PRKAB2: variants seen among roughly 807,000 people sequenced by gnomAD.
The protein encoded by PRKAB2 is 5'-AMP-activated protein kinase subunit beta-2.
A neutral mutation model predicts 29.8 loss-of-function variants in PRKAB2; 18 were observed. The ratio of observed to expected loss-of-function variants is 0.60; its 90% confidence interval spans 0.42 to 0.89. PRKAB2 has a LOEUF of 0.89. Among genes scored for constraint, PRKAB2 ranks in the 40% least tolerant of loss-of-function variants. PRKAB2 has a pLI of 0.00. For synonymous variants in PRKAB2, 136 were observed against 125.9 expected (o/e 1.08, Z -0.54); for missense variants, 270 against 344.3 (o/e 0.78, Z 1.71).
chr1:147,167,924 C>T lies in PRKAB2; in HGVS notation c.166G>A (p.Asp56Asn). ...TGCTGCCATGATACAAACTCTTTGT[C>T]CCCAGGGAGCTGTAAGAAGGAGTAG... ...FSLPDSKLPG[D>N]KEFVSWQQDL... Residue 56 changes from aspartate (D) to asparagine (N), a missense_variant, in exon 3 of 8, where the codon GAC becomes AAC. Coordinates refer to ENST00000254101, the MANE Select transcript of PRKAB2 (RefSeq NM_005399.5). 1.2e-6 allele frequency: 2 copies of T among 1,611,304 alleles called. No individual in the cohort carries two copies. Among genetic ancestry groups the T allele is most frequent in the Non-Finnish European group, 1.7e-6 (2 of 1,178,844 alleles).
Position 147,166,533 on chromosome 1 carries a change from A to G in PRKAB2, c.503T>C (p.Leu168Ser), listed in dbSNP as rs1553913722. 1 of 1,613,970 alleles carries G rather than the reference A, an allele frequency of 6.2e-7. No homozygotes were observed. Among genetic ancestry groups the G allele is most frequent in the Admixed American group, 1.7e-5 (1 of 60,024 alleles). ...TGTCTCAGAACTTTCCATAGAATCT[A>G]ACTTTAAAGCATCGAACACCTCAAA... Reference protein sequence around the residue: ...SDFEVFDALKLDSMESSETSC... With the variant: ...SDFEVFDALKSDSMESSETSC... Residue 168 changes from leucine (L) to serine (S), a missense_variant, in exon 5 of 8, where the codon TTA becomes TCA. By Grantham distance (145) the Leu-to-Ser change is moderately radical. Around this residue, in one of 2 missense-constraint regions of PRKAB2, gnomAD observed 228 missense variants for 255.5 expected, o/e 0.89. Coordinates refer to ENST00000254101, the MANE Select transcript of PRKAB2 (RefSeq NM_005399.5).
At chr1:147,161,550 AAAC>A in intron 7 of PRKAB2, 159 bp downstream of exon 7, 2 of 602,566 alleles carry the variant, frequency 3.3e-6, no homozygotes, top group Non-Finnish European at 5.6e-6. Flanking sequence ...ATTTTAAAAC[AAAC>A]AACCTAGTAG....
chr1:147,158,468 G>A lies in PRKAB2; in HGVS notation c.*1097C>T, dbSNP rs587690532. On this transcript the variant is annotated 3_prime_UTR_variant, in exon 8 of 8. Transcript: ENST00000254101. ...TTGGCCATATTAATCTAAGAATGTG[G>A]AAGGCTAGACTAGAGAAGAAAATCT... 2.0e-5 allele frequency: 3 copies of A among 152,162 alleles called. No homozygotes were observed. Among genetic ancestry groups the A allele is most frequent in the African/African-American group, 7.2e-5 (3 of 41,506 alleles). The allele number at this position is 152,162 out of a possible 1,614,324, so 9.4% of individuals were successfully genotyped here.
At chr1:147,162,687 A>G (rs1654029355) in intron 5 of PRKAB2, 114 bp from the exon 6 acceptor site, 2 of 1,142,272 alleles carry the variant, frequency 1.8e-6, no homozygotes, top group Admixed American at 5.6e-5. Context: ...CCTGGATCAC[A>G]AACTTGTGAC....
intron 6 of PRKAB2, 69 bp from the exon 7 acceptor site, chr1:147,161,849 G>C: frequency 7.9e-7 from 1 of 1,259,888 alleles, no homozygotes; most frequent in Non-Finnish European, 1.1e-6. Context: ...AAACCAAACA[G>C]CTTACTCTTC....
intron 7 of PRKAB2, among the ~76,000 whole-genome samples, 155 bp from the exon 8 acceptor site, chr1:147,159,797 T>C (rs1653865707): frequency 6.6e-6 from 1 of 152,204 alleles, no homozygotes; most frequent in African/African-American, 2.4e-5. Context: ...TTCTGACTCC[T>C]ATCATCATTC....
At chr1:147,167,239 T>C (rs1553913798) in intron 3 of PRKAB2, among the ~76,000 whole-genome samples, 1 of 152,168 alleles carries the variant, frequency 6.6e-6, no homozygotes, top group Admixed American at 6.5e-5. Flanking sequence ...GTAGAACAAG[T>C]TCCTCACCAG....
At chr1:147,167,483 T>C (rs2101627440) in intron 3 of PRKAB2, among the ~76,000 whole-genome samples, 1 of 152,290 alleles carries the variant, frequency 6.6e-6, no homozygotes, top group African/African-American at 2.4e-5. Context: ...TACAAAAGAC[T>C]TCCCACAAGC....
chr1:147,170,091 A>G (rs1181674319), intron 2 of PRKAB2, among the ~76,000 whole-genome samples: 1 of 152,240 alleles, frequency 6.6e-6, no homozygotes, highest in Non-Finnish European at 1.5e-5. Context: ...TTACTCAGCA[A>G]AACTACCAGG....
rs587593777 is a variant in PRKAB2, at chr1:147,160,276, A to G, written c.742-634T>C. On this transcript the variant is annotated intron_variant, in intron 7 of 7. Transcript: ENST00000254101. Reference sequence around the variant, plus strand: ...ACCCAATCCAATGGATCAATTCCAAACTGCCTAAACAATATGAGAGAATCA... The same window carrying G: ...ACCCAATCCAATGGATCAATTCCAAGCTGCCTAAACAATATGAGAGAATCA... 2.6e-5 allele frequency among the ~76,000 whole-genome samples: 4 copies of G among 152,256 alleles called. No homozygotes were observed. The South Asian group carries it at 8.3e-4, about 32-fold the overall frequency.
At chr1:147,171,856 C>T (rs949767982) in intron 2 of PRKAB2, 133 bp downstream of exon 2, 25 of 1,188,508 alleles carry the variant, frequency 2.1e-5, no homozygotes, top group Middle Eastern at 2.4e-4. Flanking sequence ...ACACCTCTGT[C>T]CCCGATAAAT....
At position 147,169,110 on chromosome 1, in the gene PRKAB2, TG is replaced by T. The variant is rs201876876; in HGVS notation, c.157-1178del. Among the ~76,000 whole-genome samples, 1,277 of 152,342 alleles carry T rather than the reference TG, an allele frequency of 8.4e-3. 18 individuals are homozygous for T. Among genetic ancestry groups the T allele is most frequent in the Middle Eastern group, 0.01 (3 of 294 alleles). ...AAGATTGCTGACCCCTATTTTAGACTGGTTTAAGTGACTTTGGTAAATAAGA... is the reference window on the plus strand; with the variant it reads ...AAGATTGCTGACCCCTATTTTAGACTGTTTAAGTGACTTTGGTAAATAAGA... On this transcript the variant is annotated intron_variant, in intron 2 of 7. Coordinates refer to ENST00000254101, the MANE Select transcript of PRKAB2 (RefSeq NM_005399.5).
At position 147,156,657 on chromosome 1, in the gene PRKAB2, A is replaced by G. The variant is rs1431823502; in HGVS notation, c.*2908T>C. 3 of 152,164 alleles carry G rather than the reference A, an allele frequency of 2.0e-5. No homozygotes were observed. Among genetic ancestry groups the G allele is most frequent in the African/African-American group, 4.8e-5 (2 of 41,454 alleles). 9.4% of individuals were successfully genotyped at this position (152,164 alleles called of 1,614,324 possible). A position where few individuals can be genotyped will look rare whatever the true frequency, so the allele number is the denominator to read the frequency against. ...TTCAGCTTAAAGGAGGCTAATAATC[A>G]TGGTGTGGAATTTCTCCATACCAGC... On this transcript the variant is annotated 3_prime_UTR_variant, in exon 8 of 8. Transcript: ENST00000254101.
intron 2 of PRKAB2, among the ~76,000 whole-genome samples, chr1:147,169,680 A>C (rs1006352244): frequency 5.9e-5 from 9 of 152,202 alleles, no homozygotes; most frequent in Admixed American, 1.3e-4. Flanking sequence ...TAGTGGGAGA[A>C]TAGTGGACTG....
chr1:147,164,079 G>A lies in PRKAB2; in HGVS notation c.539-1506C>T, dbSNP rs587756665. 1.3e-3 allele frequency among the ~76,000 whole-genome samples: 198 copies of A among 152,134 alleles called. 1 individual carries two copies. Among genetic ancestry groups the A allele is most frequent in the African/African-American group, 4.7e-3 (194 of 41,486 alleles). ...AGCCTTCAGAGTAGTTGGTACTAAA[G>A]GCACATGCTACCATGCCCAGCTAAT... is the stretch of plus-strand genomic sequence containing the variant. On this transcript the variant is annotated intron_variant, in intron 5 of 7. Coordinates refer to ENST00000254101, the MANE Select transcript of PRKAB2 (RefSeq NM_005399.5).
rs782281504 is a variant in PRKAB2, at chr1:147,167,846, G to A, written c.244C>T (p.Arg82Cys). The A allele has an allele frequency of 2.7e-5, 44 of 1,614,000 alleles. No homozygotes were observed. Among genetic ancestry groups the A allele is most frequent in the Non-Finnish European group, 3.3e-5 (39 of 1,180,010 alleles). Residue 82 changes from arginine (R) to cysteine (C), a missense_variant, in exon 3 of 8, where the codon CGC (arginine) becomes TGC (cysteine). Around this residue, in one of 2 missense-constraint regions of PRKAB2, gnomAD observed 228 missense variants for 255.5 expected, o/e 0.89. Transcript: ENST00000254101. ...PTQQARPTVI[R>C]WSEGGKEVFI... ...ACCTCCTTGCCTCCTTCAGACCAGC[G>A]GATAACAGTGGGCCGGGCCTGCTGT...
intron 7 of PRKAB2, among the ~76,000 whole-genome samples, chr1:147,161,153 C>A (rs948030727): frequency 4.6e-5 from 7 of 152,062 alleles, no homozygotes; most frequent in Admixed American, 2.6e-4. Flanking sequence ...AAAGACATAA[C>A]AAGACAGAAC....
chr1:147,162,452 G>A lies in PRKAB2; in HGVS notation c.660C>T (p.Asp220=). ...PHLLQVILNK[D]TNISCDPALL... is the part of the protein sequence containing the mutation. ...TCAGGATACTCACAGAAATATTAGT[G>A]TCTTTGTTAAGAATAACTTGAAGTA... The change falls in exon 6 of 8, where the codon GAC becomes GAT. Residue 220 remains aspartate, a synonymous_variant. Coordinates refer to ENST00000254101, the MANE Select transcript of PRKAB2 (RefSeq NM_005399.5). The A allele has an allele frequency of 6.2e-7, 1 of 1,612,542 alleles. No homozygotes were observed. The highest frequency in any genetic ancestry group is 8.5e-7 in the Non-Finnish European group (1 of 1,178,878).
In PRKAB2 at chr1:147,159,244, C is replaced by A; in HGVS notation, c.*321G>T. 7.4e-6 allele frequency: 2 copies of A among 271,298 alleles called. No individual in the cohort carries two copies. Among genetic ancestry groups the A allele is most frequent in the Non-Finnish European group, 1.4e-5 (2 of 143,618 alleles). 16.8% of individuals were successfully genotyped at this position (271,298 alleles called of 1,614,324 possible). A position where few individuals can be genotyped will look rare whatever the true frequency, so the allele number is the denominator to read the frequency against. ...TTCTTTCATTTTAGGAAAAATCTTCCTATATAGTTATTCCTGCAGCGCCCC... is the reference window on the plus strand; with the variant it reads ...TTCTTTCATTTTAGGAAAAATCTTCATATATAGTTATTCCTGCAGCGCCCC... On this transcript the variant is annotated 3_prime_UTR_variant, in exon 8 of 8. Coordinates refer to ENST00000254101, the MANE Select transcript of PRKAB2 (RefSeq NM_005399.5).
Sources: gnomAD v4.1 joint callset for allele counts (sites outside exome capture counted in the v4.1 genomes callset) on GRCh38, gnomAD v4.1.1 for gene constraint, gnomAD v4.1.1 regional missense constraint, MANE v1.5 for transcripts, NCBI Gene and HGNC (gene_info 2026-07-23, HGNC 2026-07-21) for gene names.